The following PTPRK variants were observed in gnomAD, a reference collection of about 807,000 sequenced individuals.
The protein encoded by PTPRK is receptor-type tyrosine-protein phosphatase kappa.
Under a neutral mutation model 178.0 loss-of-function variants are expected in PTPRK, and 75 were observed. That is an observed-to-expected ratio of 0.42 (90% CI 0.35 to 0.51). PTPRK has a LOEUF of 0.51. Among genes scored for constraint, PTPRK ranks in the 20% least tolerant of loss-of-function variants. The pLI is 0.02. For synonymous variants in PTPRK, 637 were observed against 620.6 expected, an observed-to-expected ratio of 1.03 and a Z score of -0.39; for missense variants, 1,441 against 1,797.8, an observed-to-expected ratio of 0.80 and a Z score of 3.59.
At chr6:128,429,818 G>A (rs1422994061) in intron 1 of PTPRK, among the ~76,000 whole-genome samples, 2 of 152,094 alleles carry the variant, frequency 1.3e-5, no homozygotes, top group Admixed American at 6.5e-5. Flanking sequence ...TCTACCTTGA[G>A]AGACTTACAA....
At chr6:128,198,655 C>T (rs1235877718) in intron 6 of PTPRK, among the ~76,000 whole-genome samples, 1 of 152,120 alleles carries the variant, frequency 6.6e-6, no homozygotes, top group Non-Finnish European at 1.5e-5. Context: ...TCCTATACTT[C>T]CTAGAGTGTC....
intron 3 of PTPRK, among the ~76,000 whole-genome samples, chr6:128,281,687 CT>C (rs1279003674): frequency 1.3e-5 from 2 of 152,232 alleles, no homozygotes; most frequent in East Asian, 3.9e-4. Flanking sequence ...CTGGAGCCCC[CT>C]GTGCCTAGGA....
chr6:128,403,526 A>C (rs1387943504), intron 1 of PTPRK, among the ~76,000 whole-genome samples: 1 of 152,096 alleles, frequency 6.6e-6, no homozygotes, highest in African/African-American at 2.4e-5. Context: ...GTTATAGCAC[A>C]GTGGTGTTAG....
chr6:128,015,817 T>C (rs897251241), intron 13 of PTPRK, among the ~76,000 whole-genome samples: 2 of 151,770 alleles, frequency 1.3e-5, no homozygotes, highest in African/African-American at 4.8e-5. Context: ...TTGTAAATAT[T>C]CAGCTTTACA....
chr6:128,384,607 C>T (rs954457639), intron 2 of PTPRK, among the ~76,000 whole-genome samples: 1 of 152,024 alleles, frequency 6.6e-6, no homozygotes, highest in Non-Finnish European at 1.5e-5. Flanking sequence ...CATTCAAATA[C>T]AACAGTTAGT....
At chr6:128,515,470 G>A (rs1344962649) in intron 1 of PTPRK, among the ~76,000 whole-genome samples, 5 of 151,438 alleles carry the variant, frequency 3.3e-5, no homozygotes, top group East Asian at 1.9e-4. Flanking sequence ...TAGGCAAAAA[G>A]AAACACCATT....
intron 21 of PTPRK, among the ~76,000 whole-genome samples, chr6:127,990,331 C>T (rs1776461599): frequency 6.6e-6 from 1 of 152,012 alleles, no homozygotes; most frequent in Non-Finnish European, 1.5e-5. Flanking sequence ...AACATTATTG[C>T]CCTGGACATA....
rs762135502 is a variant in PTPRK at position 128,184,509 on chromosome 6, C to T, written c.1085G>A (p.Arg362Gln). 1.2e-5 allele frequency: 20 copies of T among 1,613,810 alleles called. No homozygotes were observed. Among genetic ancestry groups the T allele is most frequent in the East Asian group, 6.7e-5 (3 of 44,848 alleles). The change falls in exon 7 of 30, where the codon CGA (arginine) becomes CAA (glutamine). Residue 362 changes from arginine to glutamine, a missense_variant. Coordinates refer to ENST00000368226, the MANE Select transcript of PTPRK (RefSeq NM_002844.4). ...HLDPDTEYEI[R>Q]VLLTRPGEGG... ...TTCACCAGGTCTTGTAAGTAGAACT[C>T]GGATCTCATATTCGGTATCTGGATC...
intron 7 of PTPRK, among the ~76,000 whole-genome samples, chr6:128,104,698 A>G (rs1400646011): frequency 1.3e-5 from 2 of 152,226 alleles, no homozygotes; most frequent in Admixed American, 6.5e-5. Context: ...ACTCTTCGGT[A>G]ACAGAAAAGC....
chr6:128,208,166 T>G (rs1011004871), intron 6 of PTPRK, among the ~76,000 whole-genome samples: 2 of 152,016 alleles, frequency 1.3e-5, no homozygotes, highest in African/African-American at 4.8e-5. Context: ...TGAGTGGGGA[T>G]TTTAACACAG....
chr6:128,128,825 G>A (rs957603757), intron 7 of PTPRK, among the ~76,000 whole-genome samples: 1 of 152,164 alleles, frequency 6.6e-6, no homozygotes, highest in Non-Finnish European at 1.5e-5. Context: ...TACTTGATAG[G>A]AAGGATACTT....
chr6:128,238,185 C>CAAAAAAAAAAAAAAAAAAAA (rs58051125), intron 5 of PTPRK: 52 of 206,462 alleles, frequency 2.5e-4, no homozygotes, highest in South Asian at 3.8e-4. Flanking sequence ...TAGCAAACGC[C>CAAAAAAAAAAAAAAAAAAAA]AAAAAAAAAA....
intron 5 of PTPRK, among the ~76,000 whole-genome samples, chr6:128,237,380 T>C (rs1813483965): frequency 6.6e-6 from 1 of 152,200 alleles, no homozygotes; most frequent in South Asian, 2.1e-4. Context: ...GTGCTTCAAG[T>C]ACATTCATTC....
intron 10 of PTPRK, among the ~76,000 whole-genome samples, chr6:128,081,651 C>A (rs539402488): frequency 1.6e-4 from 24 of 151,716 alleles, no homozygotes; most frequent in Admixed American, 1.6e-3. Flanking sequence ...TGTGGTTGAC[C>A]TTTAAATAAT....
chr6:128,058,545 C>G (rs1312948211), intron 13 of PTPRK, among the ~76,000 whole-genome samples: 1 of 151,888 alleles, frequency 6.6e-6, no homozygotes, highest in Non-Finnish European at 1.5e-5. Flanking sequence ...TTTGATATGC[C>G]TTATTTCAGA....
At chr6:128,168,957 C>T (rs1042384375) in intron 7 of PTPRK, among the ~76,000 whole-genome samples, 2 of 152,176 alleles carry the variant, frequency 1.3e-5, no homozygotes, top group Admixed American at 6.6e-5. Flanking sequence ...GGACACTATG[C>T]TAAGTGAAAT....
chr6:128,180,282 C>T (rs1801708481), intron 7 of PTPRK, among the ~76,000 whole-genome samples: 1 of 151,302 alleles, frequency 6.6e-6, no homozygotes, highest in Non-Finnish European at 1.5e-5. Context: ...GATGGTATAC[C>T]CAGAGGAAAT....
At chr6:128,121,320 T>C (rs1217259447) in intron 7 of PTPRK, among the ~76,000 whole-genome samples, 1 of 151,952 alleles carries the variant, frequency 6.6e-6, no homozygotes, top group East Asian at 1.9e-4. Context: ...ATTTAATATT[T>C]CCCTGGACAG....
At chr6:128,087,132 A>T (rs1194329793) in intron 8 of PTPRK, among the ~76,000 whole-genome samples, 1 of 152,138 alleles carries the variant, frequency 6.6e-6, no homozygotes, top group East Asian at 1.9e-4. Context: ...TGAAAAATGC[A>T]TTTAAAAATT....
Sources: allele counts gnomAD v4.1 joint callset (sites outside exome capture counted in the v4.1 genomes callset), GRCh38; gene constraint gnomAD v4.1.1; transcripts MANE v1.5; gene names NCBI Gene and HGNC (gene_info 2026-07-23, HGNC 2026-07-21).